KCNIP4: variants seen among roughly 807,000 people sequenced by gnomAD.
KCNIP4 encodes potassium voltage-gated channel interacting protein 4.
KCNIP4 carries 12 observed loss-of-function variants against 34.0 expected under a neutral mutation model. The ratio of observed to expected loss-of-function variants is 0.35; its 90% CI spans 0.23 to 0.57. The LOEUF is 0.57. KCNIP4 is among the 20% of genes least tolerant of loss of function. The pLI is 0.83. For missense variants in KCNIP4, 238 were observed against 311.7 expected (o/e 0.76, Z 1.78); for synonymous variants, 124 against 102.2 (o/e 1.21, Z -1.29).
chr4:21,097,787 T>A (rs1747591973), intron 1 of KCNIP4, among the ~76,000 whole-genome samples: 1 of 152,134 alleles, frequency 6.6e-6, no homozygotes, highest in Non-Finnish European at 1.5e-5. Context: ...AATGCTACAA[T>A]GGCCTGTAAA....
rs116797595 is a variant in KCNIP4, at chr4:21,781,420, T to G, written c.61+167151A>C. On this transcript the variant is annotated intron_variant, in intron 1 of 8. Coordinates refer to ENST00000382152, the MANE Select transcript of KCNIP4 (RefSeq NM_025221.6). ...AGAGCAGTATGAGATCAGACTAATA[T>G]AACATCTGCAATGACCATATTTCCA... Among the ~76,000 whole-genome samples the G allele has an allele frequency of 1.0e-2, 1,516 of 152,236 alleles. 25 individuals carry two copies. The highest frequency in any genetic ancestry group is 0.034 in the African/African-American group (1,402 of 41,540).
chr4:21,883,127 T>C (rs1726554435), intron 1 of KCNIP4, among the ~76,000 whole-genome samples: 1 of 150,884 alleles, frequency 6.6e-6, no homozygotes, highest in Non-Finnish European at 1.5e-5. Context: ...GACATTTAAA[T>C]GGACAAATTA....
intron 1 of KCNIP4, among the ~76,000 whole-genome samples, chr4:21,330,317 T>C (rs56070555): frequency 0.014 from 2,191 of 152,274 alleles, 51 homozygotes; most frequent in African/African-American, 0.051. Flanking sequence ...TACAAAAACA[T>C]GTTAACCCGA....
intron 3 of KCNIP4, among the ~76,000 whole-genome samples, chr4:20,768,126 CTT>C (rs1255073445): frequency 2.0e-5 from 3 of 152,192 alleles, no homozygotes; most frequent in African/African-American, 7.2e-5. Flanking sequence ...TCTCTGCTCT[CTT>C]TAGAGTTAGT....
At chr4:21,420,143 G>A (rs1456486501) in intron 1 of KCNIP4, among the ~76,000 whole-genome samples, 1 of 151,970 alleles carries the variant, frequency 6.6e-6, no homozygotes, top group Non-Finnish European at 1.5e-5. Flanking sequence ...AATGTCCTAA[G>A]TTCCACTGAA....
chr4:21,303,915 A>G, intron 1 of KCNIP4: 1 of 1,613,962 alleles, frequency 6.2e-7, no homozygotes, highest in Non-Finnish European at 8.5e-7. Flanking sequence ...ATGGTCAGCT[A>G]GGTCATGGTC....
chr4:21,912,520 C>A (rs952862356), intron 1 of KCNIP4, among the ~76,000 whole-genome samples: 4 of 152,042 alleles, frequency 2.6e-5, no homozygotes, highest in African/African-American at 7.2e-5. Flanking sequence ...GATGTTAGAG[C>A]TATGACAGAA....
At chr4:21,376,156 T>C (rs751342251) in intron 1 of KCNIP4, among the ~76,000 whole-genome samples, 5 of 152,244 alleles carry the variant, frequency 3.3e-5, no homozygotes, top group Non-Finnish European at 7.3e-5. Flanking sequence ...TGTTTTTTCT[T>C]CTTTTGAAAC....
At chr4:21,817,650 A>T (rs904560466) in intron 1 of KCNIP4, among the ~76,000 whole-genome samples, 1 of 151,926 alleles carries the variant, frequency 6.6e-6, no homozygotes, top group Non-Finnish European at 1.5e-5. Context: ...TCCTTGCGGG[A>T]GGTCTATAAA....
intron 1 of KCNIP4, among the ~76,000 whole-genome samples, chr4:21,700,068 A>T (rs868205220): frequency 1.3e-5 from 2 of 152,210 alleles, no homozygotes; most frequent in South Asian, 2.1e-4. Context: ...GACATGAATA[A>T]CTGAATGGGT....
At chr4:21,242,639 C>A (rs1182867486) in intron 1 of KCNIP4, among the ~76,000 whole-genome samples, 1 of 152,092 alleles carries the variant, frequency 6.6e-6, no homozygotes, top group Admixed American at 6.5e-5. Flanking sequence ...AAACTTACCC[C>A]TTTTCTTTCT....
At chr4:21,358,730 C>A (rs1718915707) in intron 1 of KCNIP4, among the ~76,000 whole-genome samples, 2 of 152,140 alleles carry the variant, frequency 1.3e-5, no homozygotes, top group African/African-American at 2.4e-5. Flanking sequence ...GGCAAGCATA[C>A]CTCTCTTTCT....
chr4:20,893,423 T>G (rs984330687), intron 1 of KCNIP4, among the ~76,000 whole-genome samples: 3 of 150,968 alleles, frequency 2.0e-5, no homozygotes, highest in Non-Finnish European at 3.0e-5. Context: ...TGAGCCTCTG[T>G]TTTTTTTTGT....
intron 1 of KCNIP4, among the ~76,000 whole-genome samples, chr4:21,500,470 G>T (rs1186383523): frequency 2.0e-5 from 3 of 152,036 alleles, no homozygotes; most frequent in Non-Finnish European, 4.4e-5. Context: ...AAGTATCTTT[G>T]CCACCAGAAG....
intron 1 of KCNIP4, among the ~76,000 whole-genome samples, chr4:21,402,235 T>C (rs557979502): frequency 6.6e-6 from 1 of 152,378 alleles, no homozygotes; most frequent in African/African-American, 2.4e-5. Context: ...ACCTTAGTGC[T>C]ATATTTTTTA....
intron 3 of KCNIP4, among the ~76,000 whole-genome samples, chr4:20,809,956 A>G (rs1715519718): frequency 6.6e-6 from 1 of 152,216 alleles, no homozygotes; most frequent in Admixed American, 6.5e-5. Context: ...TGTTTAGGGC[A>G]GGTACTCAGA....
intron 1 of KCNIP4, among the ~76,000 whole-genome samples, chr4:21,543,489 A>C (rs1737872530): frequency 6.6e-6 from 1 of 152,042 alleles, no homozygotes; most frequent in Non-Finnish European, 1.5e-5. Flanking sequence ...TTTGCTCTAC[A>C]ATAGAGGTAT....
rs867118370 is a variant in KCNIP4, at chr4:21,479,827, A to C, written c.61+468744T>G. 1.6e-3 allele frequency among the ~76,000 whole-genome samples: 241 copies of C among 152,136 alleles called. 1 individual carries two copies. The highest frequency in any genetic ancestry group is 5.3e-3 in the African/African-American group (222 of 41,562). ...ACTAGTAAAATATACAATAAAACTC[A>C]GAAAAGTTCAACAATTTAAAAAGCC... On this transcript the variant is annotated intron_variant, in intron 1 of 8. Transcript: ENST00000382152.
At chr4:20,881,521 ATTGTGTATAAAAGAAAG>A (rs1724680415) in intron 2 of KCNIP4, among the ~76,000 whole-genome samples, 2 of 152,170 alleles carry the variant, frequency 1.3e-5, no homozygotes, top group African/African-American at 2.4e-5. Flanking sequence ...CTTGAAAAAA[ATTGTGTATAAAAGAAAG>A]TTTGTACACA....
Sources: allele counts gnomAD v4.1 joint callset (sites outside exome capture counted in the v4.1 genomes callset), GRCh38; gene constraint gnomAD v4.1.1; transcripts MANE v1.5; gene names NCBI Gene and HGNC (gene_info 2026-07-23, HGNC 2026-07-21).